Variants in LARP4B observed in about 807,000 individuals in gnomAD.
The protein encoded by LARP4B is La ribonucleoprotein 4B.
A neutral mutation model predicts 89.8 loss-of-function variants in LARP4B; 12 were observed. That is an observed-to-expected ratio of 0.13 (90% CI 0.09 to 0.22). LARP4B has a LOEUF of 0.22. Ranked by LOEUF, LARP4B falls within the 10% of genes least tolerant of loss-of-function variation. LARP4B has a pLI of 1.00. For missense variants in LARP4B, 757 were observed against 947.7 expected (o/e 0.80, Z 2.64); for synonymous variants, 367 against 363.3 (o/e 1.01, Z -0.12).
chr10:959,877 A>G, the LARP4B span, among the ~76,000 whole-genome samples: 1 of 64,162 alleles, frequency 1.6e-5, no homozygotes, highest in South Asian at 5.0e-4. Context: ...TCGTCAATCC[A>G]CCTCCTCGTC....
At chr10:910,599 T>C (rs1460256756) in intron 1 of LARP4B, among the ~76,000 whole-genome samples, 1 of 152,226 alleles carries the variant, frequency 6.6e-6, no homozygotes, top group African/African-American at 2.4e-5. Context: ...GGCTTTGCTG[T>C]CTTTGGACAA....
chr10:971,023 G>A, the LARP4B span: 1 of 152,238 alleles, frequency 6.6e-6, no homozygotes, highest in African/African-American at 2.4e-5. Context: ...AGTGCACACG[G>A]GCACACTGAG....
At chr10:904,825 A>AAT (rs1836445904) in intron 1 of LARP4B, among the ~76,000 whole-genome samples, 1 of 152,132 alleles carries the variant, frequency 6.6e-6, no homozygotes, top group African/African-American at 2.4e-5. Flanking sequence ...CCATGCGAGC[A>AAT]AGGGTAAGAA....
chr10:941,203 C>T, the LARP4B span, among the ~76,000 whole-genome samples: 2 of 152,216 alleles, frequency 1.3e-5, no homozygotes, highest in African/African-American at 4.8e-5. Context: ...TGCTCTTCCT[C>T]CTCTTCAGAG....
In LARP4B at chr10:836,414, T is replaced by C. The variant is rs1833221449; in HGVS notation, c.739A>G (p.Thr247Ala). Residue 247 changes from threonine to alanine, a missense_variant, in exon 8 of 18, where the codon ACC becomes GCC. Physicochemically the swap from Thr to Ala is moderately conservative, Grantham distance 58. Around this residue, in one of 5 missense-constraint regions of LARP4B, gnomAD observed 137 missense variants for 213.9 expected, o/e 0.64. Transcript: ENST00000316157. ...GAGAAATTACTTACTTCCACGGGGG[T>C]AGATTCAGATATTTCACGCAATATT... ...IVILREISES[T>A]PVEEVEALFK... 6.2e-7 allele frequency: 1 copy of C among 1,603,408 alleles called. No homozygotes were observed. Among genetic ancestry groups the C allele is most frequent in the Non-Finnish European group, 8.5e-7 (1 of 1,172,062 alleles).
At chr10:906,993 G>A (rs1003223644) in intron 1 of LARP4B, among the ~76,000 whole-genome samples, 1 of 152,208 alleles carries the variant, frequency 6.6e-6, no homozygotes, top group African/African-American at 2.4e-5. Flanking sequence ...GAAACCTTCT[G>A]ACAGGCTGCA....
At chr10:892,150 C>G (rs1362562929) in intron 1 of LARP4B, among the ~76,000 whole-genome samples, 1 of 152,258 alleles carries the variant, frequency 6.6e-6, no homozygotes. Context: ...TCCGCACTCG[C>G]CAGTGCCTTA....
At chr10:916,724 G>A (rs950404515) in intron 1 of LARP4B, among the ~76,000 whole-genome samples, 1 of 152,150 alleles carries the variant, frequency 6.6e-6, no homozygotes, top group Non-Finnish European at 1.5e-5. Context: ...AAGAGACAAG[G>A]TCTTGCTCTG....
At chr10:813,807 T>C (rs928558358) in intron 17 of LARP4B, among the ~76,000 whole-genome samples, 2 of 151,292 alleles carry the variant, frequency 1.3e-5, no homozygotes, top group African/African-American at 2.4e-5. Flanking sequence ...ATAACTTTTT[T>C]TTTTTTTTTT....
At chr10:813,819 T>G (rs1588838937) in intron 17 of LARP4B, among the ~76,000 whole-genome samples, 2 of 136,642 alleles carry the variant, frequency 1.5e-5, no homozygotes, top group East Asian at 2.1e-4. Context: ...TTTTTTTTTT[T>G]GAGACACAGT....
At chr10:911,271 G>A (rs1106064) in intron 1 of LARP4B, among the ~76,000 whole-genome samples, 27,896 of 151,926 alleles carry the variant, frequency 0.18, 2,810 homozygotes, top group Non-Finnish European at 0.23. Context: ...GAAATCTGAT[G>A]ATAAGATTTG....
chr10:910,432 G>C (rs915999755), intron 1 of LARP4B, among the ~76,000 whole-genome samples: 10 of 152,206 alleles, frequency 6.6e-5, no homozygotes, highest in African/African-American at 2.4e-4. Flanking sequence ...GTTTTTCTGA[G>C]AGTGGCGCTG....
intron 3 of LARP4B, among the ~76,000 whole-genome samples, chr10:867,117 C>T (rs1834940574): frequency 6.6e-6 from 1 of 152,210 alleles, no homozygotes; most frequent in South Asian, 2.1e-4. Context: ...CCAATGACTA[C>T]CTCTTAGTGA....
chr10:852,384 AAAC>A (rs1427113683), intron 5 of LARP4B, among the ~76,000 whole-genome samples: 1 of 152,226 alleles, frequency 6.6e-6, no homozygotes, highest in Non-Finnish European at 1.5e-5. Context: ...ACACACTAAA[AAAC>A]AACAAATATA....
At chr10:978,120 A>G in the LARP4B span, among the ~76,000 whole-genome samples, 1 of 152,212 alleles carries the variant, frequency 6.6e-6, no homozygotes, top group Non-Finnish European at 1.5e-5. Context: ...TTTCTTCATC[A>G]GTCTTGCCCC....
intron 1 of LARP4B, among the ~76,000 whole-genome samples, chr10:929,821 A>G (rs1449974359): frequency 6.6e-6 from 1 of 152,186 alleles, no homozygotes; most frequent in Non-Finnish European, 1.5e-5. Context: ...TACCGGATAA[A>G]ATTTATTTCT....
upstream of LARP4B, among the ~76,000 whole-genome samples, chr10:932,000 C>T (rs1278465992): frequency 2.0e-5 from 3 of 147,540 alleles, no homozygotes; most frequent in Admixed American, 6.7e-5. Context: ...CCCCGCCCGC[C>T]GTCCCCGGCG....
chr10:957,425 C>G, the LARP4B span, among the ~76,000 whole-genome samples: 1 of 152,142 alleles, frequency 6.6e-6, no homozygotes, highest in East Asian at 1.9e-4. Context: ...CTCGGCCTCC[C>G]AAAGTGCTGG....
chr10:937,282 A>G, the LARP4B span, among the ~76,000 whole-genome samples: 644 of 152,250 alleles, frequency 4.2e-3, 8 homozygotes, highest in African/African-American at 0.014. Context: ...GGCTGAAGCA[A>G]TCCGCTTACT....
Sources: allele counts gnomAD v4.1 joint callset (sites outside exome capture counted in the v4.1 genomes callset), GRCh38; gene constraint gnomAD v4.1.1; regional missense constraint gnomAD v4.1.1; transcripts MANE v1.5; gene names NCBI Gene and HGNC (gene_info 2026-07-23, HGNC 2026-07-21).